The following CIZ1 variants were observed in gnomAD, a reference collection of about 807,000 sequenced individuals.
CIZ1 encodes CDKN1A interacting zinc finger protein 1.
Under a neutral mutation model 118.6 loss-of-function variants are expected in CIZ1, and 58 were observed. That is an observed-to-expected ratio of 0.49 (90% CI 0.40 to 0.61). CIZ1 has a LOEUF of 0.61. CIZ1 is among the 20% of genes least tolerant of loss of function. CIZ1 has a pLI of 0.00. For missense variants in CIZ1, 921 were observed against 1,115.9 expected, an observed-to-expected ratio of 0.83 and a Z score of 2.49; for synonymous variants, 448 against 443.4, an observed-to-expected ratio of 1.01 and a Z score of -0.13.
Position 128,171,568 on chromosome 9 carries a change from A to G in CIZ1, c.1944-1461T>C, listed in dbSNP as rs544485485. Among the ~76,000 whole-genome samples the G allele has an allele frequency of 1.4e-4, 21 of 145,338 alleles. No individual in the cohort carries two copies. The East Asian group carries it at 3.0e-3, about 21-fold the overall frequency. ...TGGTGAAACCCCATCTCTACTAAGAATACAAAAAAAAAAAAAAAATTAGCC... is the reference window on the plus strand; with the variant it reads ...TGGTGAAACCCCATCTCTACTAAGAGTACAAAAAAAAAAAAAAAATTAGCC... On this transcript the variant is annotated intron_variant, in intron 11 of 16. Transcript: ENST00000372938.
At chr9:128,173,825 A>AT (rs1830484974) in intron 11 of CIZ1, among the ~76,000 whole-genome samples, 1 of 151,802 alleles carries the variant, frequency 6.6e-6, no homozygotes, top group Non-Finnish European at 1.5e-5. Context: ...GCTAACACAG[A>AT]GAAACCCTGT....
chr9:128,167,407 C>T (rs1829568087), intron 14 of CIZ1: 2 of 515,758 alleles, frequency 3.9e-6, no homozygotes, highest in Non-Finnish European at 6.8e-6. Context: ...CCCTCCTGCT[C>T]CTACAGGCGC....
Position 128,177,782 on chromosome 9 carries a change from C to T in CIZ1, c.1621-19G>A. ...CCCATACCTGCATGGGGAGTAGGAA[C>T]TGAACTTCCATCAACTGTGTACTTA... On this transcript the variant is annotated intron_variant, in intron 9 of 16. Transcript: ENST00000372938. The T allele has an allele frequency of 6.4e-7, 1 of 1,551,220 alleles. No homozygotes were observed. Among genetic ancestry groups the T allele is most frequent in the Admixed American group, 1.9e-5 (1 of 52,910 alleles).
At position 128,178,950 on chromosome 9, in the gene CIZ1, C is replaced by T; in HGVS notation, c.1257G>A (p.Val419=). The T allele has an allele frequency of 6.2e-7, 1 of 1,613,702 alleles. No individual in the cohort carries two copies. The highest frequency in any genetic ancestry group is 1.1e-5 in the South Asian group (1 of 90,880). ...PQAHSQPPRQ[V]QLQLQKQVQT... is the part of the protein sequence containing the mutation. ...GGACCTGCTTCTGCAGCTGCAGCTG[C>T]ACCTGCCTTGGGGGCTGTGAATGTG... The change falls in exon 8 of 17, where the codon GTG becomes GTA. Residue 419 remains valine (V), a synonymous_variant. Coordinates refer to ENST00000372938, the MANE Select transcript of CIZ1 (RefSeq NM_001131016.2).
chr9:128,177,499 T>C, intron 10 of CIZ1, 67 bp downstream of exon 10: 1 of 1,149,268 alleles, frequency 8.7e-7, no homozygotes. Flanking sequence ...GAGGCATTCT[T>C]GGGAGGGCAG....
intron 11 of CIZ1, among the ~76,000 whole-genome samples, chr9:128,172,520 T>C (rs1830274313): frequency 6.6e-6 from 1 of 151,986 alleles, no homozygotes; most frequent in African/African-American, 2.4e-5. Context: ...AGTGTCTCAC[T>C]CAGCGAAAAT....
rs1830886552 is a variant in CIZ1, at chr9:128,176,628, T to C, written c.1819-153A>G. On this transcript the variant is annotated intron_variant, in intron 10 of 16. Coordinates refer to ENST00000372938, the MANE Select transcript of CIZ1 (RefSeq NM_001131016.2). ...CTTGTGTAGGCTAGAGCAGGCATGA[T>C]AAACTAAGACACAGGGTACATGCCA... 2.0e-5 allele frequency among the ~76,000 whole-genome samples: 3 copies of C among 152,170 alleles called. 1 individual carries two copies. In the South Asian group the frequency reaches 6.2e-4, roughly 32 times the overall value.
At chr9:128,201,358 G>C (rs572591515) in intron 1 of CIZ1, among the ~76,000 whole-genome samples, 2 of 152,290 alleles carry the variant, frequency 1.3e-5, no homozygotes, top group Admixed American at 1.3e-4. Context: ...GCTGAGGCAG[G>C]AGAATCGCTT....
chr9:128,179,194 T>C lies in CIZ1; in HGVS notation c.1013A>G (p.Gln338Arg). 4 of 1,614,158 alleles carry C rather than the reference T, an allele frequency of 2.5e-6. No individual in the cohort carries two copies. The highest frequency in any genetic ancestry group is 2.2e-5 in the East Asian group (1 of 44,888). ...TTGCGCCTGCTTCTGCAGCTTTGGC[T>C]GCACCTGGGTGTCTGTGGATGGTAT... ...PRIPSTDTQVQPKLQKQAQTQ... is the reference protein window; with the variant it reads ...PRIPSTDTQVRPKLQKQAQTQ... The change falls in exon 8 of 17, where the codon CAG becomes CGG. Residue 338 changes from glutamine to arginine, a missense_variant. By Grantham distance (43) the Gln-to-Arg change is conservative. Transcript: ENST00000372938.
Position 128,187,919 on chromosome 9 carries a change from G to T in CIZ1, c.302C>A (p.Ala101Glu). The T allele has an allele frequency of 1.3e-6, 1 of 756,920 alleles. No homozygotes were observed. Among genetic ancestry groups the T allele is most frequent in the South Asian group, 1.4e-5 (1 of 70,490 alleles). 46.9% of individuals were successfully genotyped at this position (756,920 alleles called of 1,614,324 possible). A position where few individuals can be genotyped will look rare whatever the true frequency, so the allele number is the denominator to read the frequency against. The change falls in exon 4 of 17, where the codon GCA (alanine) becomes GAA (glutamate). Residue 101 changes from alanine (A) to glutamate (E), a missense_variant. Ala to Glu is a moderately radical substitution (Grantham distance 107). Transcript: ENST00000372938. Reference protein sequence around the residue: ...LQQLQGLDQFAMPPATYDTAG... With the variant: ...LQQLQGLDQFEMPPATYDTAG... Reference sequence around the variant, plus strand: ...AGTGTCATACGTGGCTGGTGGCATTGCAAACTGGTCCAGTCCTTTAGGAAA... The same window carrying T: ...AGTGTCATACGTGGCTGGTGGCATTTCAAACTGGTCCAGTCCTTTAGGAAA...
Position 128,190,365 on chromosome 9 carries a change from T to C in CIZ1, c.250A>G (p.Met84Val). The C allele has an allele frequency of 6.2e-7, 1 of 1,613,986 alleles. No homozygotes were observed. The highest frequency in any genetic ancestry group is 8.5e-7 in the Non-Finnish European group (1 of 1,179,904). ...TGTAAAAGCAAAGCTCTCTGCAGCA[T>C]GGAGCCGTTGAGGAGGGAGGCTGAG... ...TNSASLLNGS[M>V]LQRALLLQQL... The change falls in exon 3 of 17, where the codon ATG becomes GTG. Residue 84 changes from methionine to valine, a missense_variant. Met to Val is a conservative substitution (Grantham distance 21). Transcript: ENST00000372938.
rs1183671520 is a variant in CIZ1, at chr9:128,179,321, G to C, written c.886C>G (p.Pro296Ala). ...TCCAGGGCCTCAGGCAGCAGGTCTG[G>C]TGTCTGTGTCTGTTTCGGTACTGTC... is the stretch of plus-strand genomic sequence containing the variant. ...RMTVPKQTQT[P>A]DLLPEALEAQ... The change falls in exon 8 of 17, where the codon CCA becomes GCA. Residue 296 changes from proline (P) to alanine (A), a missense_variant. Pro to Ala is a conservative substitution (Grantham distance 27). Transcript: ENST00000372938. 5.6e-6 allele frequency: 9 copies of C among 1,614,088 alleles called. No homozygotes were observed. The highest frequency in any genetic ancestry group is 1.1e-5 in the South Asian group (1 of 91,074).
Position 128,191,422 on chromosome 9 carries a change from G to C in CIZ1, c.-6+10C>G. On this transcript the variant is annotated intron_variant, in intron 1 of 16. Transcript: ENST00000372938. The surrounding 1 kb of genome is among the most constrained non-coding windows in gnomAD (Gnocchi z 5.5). ...GGAGCCCCACGACCCAGCCGCCCCC[G>C]GCCCCGCACCTCGCCTCCCCGCGCG... is the stretch of plus-strand genomic sequence containing the variant. The C allele has an allele frequency of 4.3e-6, 4 of 929,462 alleles. No homozygotes were observed. The highest frequency in any genetic ancestry group is 5.1e-6 in the Non-Finnish European group (4 of 777,112). 57.6% of individuals were successfully genotyped at this position (929,462 alleles called of 1,614,324 possible).
chr9:128,179,445 A>G, intron 7 of CIZ1, 30 bp from the exon 8 acceptor site: 1 of 1,538,202 alleles, frequency 6.5e-7, no homozygotes, highest in Non-Finnish European at 8.7e-7. Context: ...AATCCCAGTC[A>G]TGTCTTCAAA....
intron 1 of CIZ1, among the ~76,000 whole-genome samples, chr9:128,202,380 C>T (rs534749112): frequency 3.9e-5 from 6 of 152,174 alleles, no homozygotes; most frequent in Non-Finnish European, 5.9e-5. Context: ...AAAGGGTACG[C>T]AGGGTAGGAT....
intron 4 of CIZ1, 23 bp from the exon 5 acceptor site, chr9:128,185,799 A>C (rs1832290463): frequency 6.4e-7 from 1 of 1,564,492 alleles, no homozygotes; most frequent in African/African-American, 1.4e-5. Context: ...AGACAGGAGA[A>C]GAGGGGTCAC....
intron 7 of CIZ1, among the ~76,000 whole-genome samples, chr9:128,179,967 C>T (rs1429671951): frequency 1.3e-5 from 2 of 152,216 alleles, no homozygotes; most frequent in African/African-American, 4.8e-5. Flanking sequence ...CCACCACATA[C>T]AGCCCAAGAC....
At position 128,178,784 on chromosome 9, in the gene CIZ1, C is replaced by A. The variant is rs1831187757; in HGVS notation, c.1423G>T (p.Ala475Ser). ...PHTQPQVSLL[A>S]PEQTPVVVHV... ...ACCACAACTGGTGTTTGCTCTGGAG[C>A]CAGCAACGACACCTGCGGCTGGGTG... is the stretch of plus-strand genomic sequence containing the variant. The change falls in exon 8 of 17, where the codon GCT (alanine) becomes TCT (serine). Residue 475 changes from alanine (A) to serine (S), a missense_variant. Coordinates refer to ENST00000372938, the MANE Select transcript of CIZ1 (RefSeq NM_001131016.2). 1 of 1,614,258 alleles carries A rather than the reference C, an allele frequency of 6.2e-7. No individual in the cohort carries two copies. The highest frequency in any genetic ancestry group is 1.3e-5 in the African/African-American group (1 of 75,074).
At chr9:128,194,362 CA>C (rs757286334), upstream of CIZ1, among the ~76,000 whole-genome samples, 605 of 74,148 alleles carry the variant, frequency 8.2e-3, no homozygotes, top group African/African-American at 0.02. Context: ...AACTCCATCT[CA>C]AAAAAAAAAA....
Sources: allele counts gnomAD v4.1 joint callset (sites outside exome capture counted in the v4.1 genomes callset), GRCh38; gene constraint gnomAD v4.1.1; non-coding constraint Gnocchi (gnomAD v3.1); transcripts MANE v1.5; gene names NCBI Gene and HGNC (gene_info 2026-07-23, HGNC 2026-07-21).